EHBP1: variants seen among roughly 807,000 people sequenced by gnomAD.
EHBP1 encodes the protein EH domain-binding protein 1.
Under a neutral mutation model 144.0 loss-of-function variants are expected in EHBP1, and 55 were observed. The ratio of observed to expected loss-of-function variants is 0.38; its 90% CI spans 0.31 to 0.48. EHBP1 has a LOEUF of 0.48. Among genes scored for constraint, EHBP1 ranks in the 20% least tolerant of loss-of-function variants. The probability of loss-of-function intolerance (pLI) is 0.98; values close to 1 mark genes in which losing one functional copy is unlikely to be tolerated. For synonymous variants in EHBP1, 469 were observed against 472.7 expected (o/e 0.99, Z 0.10); for missense variants, 1,200 against 1,364.2 (o/e 0.88, Z 1.90).
intron 8 of EHBP1, among the ~76,000 whole-genome samples, chr2:62,860,217 C>T (rs1036771600): frequency 3.3e-5 from 5 of 152,066 alleles, no homozygotes; most frequent in South Asian, 2.1e-4. Flanking sequence ...TAGCTGGGCA[C>T]GGTGGCTCAC....
chr2:63,014,666 G>C (rs575467299), intron 19 of EHBP1, among the ~76,000 whole-genome samples: 1 of 152,190 alleles, frequency 6.6e-6, no homozygotes, highest in African/African-American at 2.4e-5. Flanking sequence ...CCAAAACTGG[G>C]TACATTTTTA....
chr2:62,879,261 A>G (rs1259021706), intron 10 of EHBP1, among the ~76,000 whole-genome samples: 2 of 152,250 alleles, frequency 1.3e-5, no homozygotes, highest in Non-Finnish European at 2.9e-5. Flanking sequence ...CACCACTCCT[A>G]TTCAACATAG....
In EHBP1 at chr2:63,045,540, C is replaced by A. The variant is rs1350658721; in HGVS notation, c.*40C>A. 6.6e-7 allele frequency: 1 copy of A among 1,518,642 alleles called. No individual in the cohort carries two copies. Among genetic ancestry groups the A allele is most frequent in the South Asian group, 1.2e-5 (1 of 85,850 alleles). The allele number at this position is 1,518,642 out of a possible 1,614,324, so 94.1% of individuals were successfully genotyped here. Reference sequence around the variant, plus strand: ...AGAATCTCTCCCAACATTTTAGAGTCTTGCTTCCCAAACCAGAAAAAGTCA... The same window carrying A: ...AGAATCTCTCCCAACATTTTAGAGTATTGCTTCCCAAACCAGAAAAAGTCA... On this transcript the variant is annotated 3_prime_UTR_variant, in exon 23 of 23. Coordinates refer to ENST00000431489, the MANE Select transcript of EHBP1 (RefSeq NM_001142616.3). The surrounding 1 kb of genome is among the most constrained non-coding windows in gnomAD (Gnocchi z 5.7).
At chr2:62,914,244 C>A (rs572278324) in intron 10 of EHBP1, among the ~76,000 whole-genome samples, 2 of 152,080 alleles carry the variant, frequency 1.3e-5, no homozygotes, top group African/African-American at 2.4e-5. Context: ...AAAAACTCAT[C>A]CTCATTCACT....
At chr2:63,007,622 A>T (rs954979781) in intron 19 of EHBP1, among the ~76,000 whole-genome samples, 22 of 151,840 alleles carry the variant, frequency 1.4e-4, no homozygotes, top group African/African-American at 5.3e-4. Flanking sequence ...ACCAGCTGAA[A>T]CACCTCCCCT....
chr2:63,039,398 A>G (rs2061571439), intron 21 of EHBP1, among the ~76,000 whole-genome samples: 1 of 152,164 alleles, frequency 6.6e-6, no homozygotes, highest in South Asian at 2.1e-4. Context: ...AACATCAGCT[A>G]GCTTATCTGG....
At chr2:62,766,624 C>T (rs1479987755) in intron 4 of EHBP1, among the ~76,000 whole-genome samples, 1 of 152,060 alleles carries the variant, frequency 6.6e-6, no homozygotes, top group Admixed American at 6.5e-5. Context: ...AATGTGACCC[C>T]ACTACTTTTC....
At position 62,933,115 on chromosome 2, in the gene EHBP1, A is replaced by T. The variant is rs548917165; in HGVS notation, c.1186-9603A>T. Among the ~76,000 whole-genome samples the T allele has an allele frequency of 3.1e-4, 47 of 151,884 alleles. No individual in the cohort carries two copies. The South Asian group carries it at 9.7e-3, about 31-fold the overall frequency. On this transcript the variant is annotated intron_variant, in intron 10 of 22. Coordinates refer to ENST00000431489, the MANE Select transcript of EHBP1 (RefSeq NM_001142616.3). ...TAGAAATTAACACTGAGAAGTTTTT[A>T]AATTTTATTAATTTATTTAAAATTA...
intron 10 of EHBP1, among the ~76,000 whole-genome samples, chr2:62,888,571 CA>C (rs1468605120): frequency 3.9e-5 from 6 of 152,134 alleles, no homozygotes; most frequent in African/African-American, 1.4e-4. Context: ...CATGGGAAAA[CA>C]ACCTGAATAA....
chr2:62,840,326 A>G (rs1456739446), intron 7 of EHBP1, among the ~76,000 whole-genome samples: 1 of 133,698 alleles, frequency 7.5e-6, no homozygotes, highest in East Asian at 2.3e-4. Context: ...TACACCTTAT[A>G]CAAAAATCAA....
At chr2:62,681,639 G>A (rs1410188306) in intron 1 of EHBP1, among the ~76,000 whole-genome samples, 1 of 151,582 alleles carries the variant, frequency 6.6e-6, no homozygotes, top group African/African-American at 2.4e-5. Flanking sequence ...AACTATTATG[G>A]GTATAAAATA....
chr2:62,759,337 C>T lies in EHBP1; in HGVS notation c.163-4929C>T, dbSNP rs142848554. Among the ~76,000 whole-genome samples the T allele has an allele frequency of 8.8e-3, 1,346 of 152,286 alleles. 17 individuals are homozygous for T. Among genetic ancestry groups the T allele is most frequent in the Middle Eastern group, 0.024 (7 of 294 alleles). On this transcript the variant is annotated intron_variant, in intron 3 of 22. Coordinates refer to ENST00000431489, the MANE Select transcript of EHBP1 (RefSeq NM_001142616.3). ...GTGCCTACTTATTTTATAGGGAAATCCTTTCTATTACTCAGAATGAAAAAT... is the reference window on the plus strand; with the variant it reads ...GTGCCTACTTATTTTATAGGGAAATTCTTTCTATTACTCAGAATGAAAAAT...
At position 62,795,266 on chromosome 2, in the gene EHBP1, C is replaced by T. The variant is rs188588325; in HGVS notation, c.312+23874C>T. On this transcript the variant is annotated intron_variant, in intron 5 of 22. Transcript: ENST00000431489. ...CTCTTCCTTCCTCCCTCCATCCTAC[C>T]CCATTGTGGTAGTCTCTTAATTGCT... Among the ~76,000 whole-genome samples, 7 of 152,072 alleles carry T rather than the reference C, an allele frequency of 4.6e-5. No homozygotes were observed. In the East Asian group the frequency reaches 1.2e-3, roughly 25 times the overall value.
intron 5 of EHBP1, among the ~76,000 whole-genome samples, chr2:62,824,822 A>G (rs963892519): frequency 2.0e-5 from 3 of 151,922 alleles, no homozygotes; most frequent in Non-Finnish European, 4.4e-5. Flanking sequence ...CTGTTTTAAT[A>G]TTTTGATTAA....
At chr2:62,788,881 C>T (rs1407973413) in intron 5 of EHBP1, among the ~76,000 whole-genome samples, 1 of 152,206 alleles carries the variant, frequency 6.6e-6, no homozygotes, top group Non-Finnish European at 1.5e-5. Flanking sequence ...AAACGCCACT[C>T]ATCTGTGCAT....
chr2:62,849,346 C>T (rs937474743), intron 7 of EHBP1, among the ~76,000 whole-genome samples: 5 of 152,046 alleles, frequency 3.3e-5, no homozygotes, highest in African/African-American at 1.2e-4. Flanking sequence ...TTGTTCTAGC[C>T]TTTTCAGCCA....
At chr2:62,834,838 A>G (rs1367967925) in intron 7 of EHBP1, among the ~76,000 whole-genome samples, 1 of 152,204 alleles carries the variant, frequency 6.6e-6, no homozygotes, top group Non-Finnish European at 1.5e-5. Flanking sequence ...CACTTTTCAT[A>G]TATGTGGGTT....
chr2:62,788,778 C>T (rs2042981997), intron 5 of EHBP1, among the ~76,000 whole-genome samples: 1 of 152,174 alleles, frequency 6.6e-6, no homozygotes, highest in East Asian at 1.9e-4. Flanking sequence ...CCTAATAGAT[C>T]ATACCATTCC....
intron 19 of EHBP1, among the ~76,000 whole-genome samples, chr2:63,003,398 A>C (rs1436000027): frequency 6.6e-6 from 1 of 152,108 alleles, no homozygotes; most frequent in Non-Finnish European, 1.5e-5. Context: ...TGGGGTGGTT[A>C]ATTTTATTTA....
Sources: gnomAD v4.1 joint callset for allele counts (sites outside exome capture counted in the v4.1 genomes callset) on GRCh38, gnomAD v4.1.1 for gene constraint, Gnocchi (gnomAD v3.1) non-coding constraint, MANE v1.5 for transcripts, NCBI Gene and HGNC (gene_info 2026-07-23, HGNC 2026-07-21) for gene names.